DMAC2: variants seen among roughly 807,000 people sequenced by gnomAD.
The protein encoded by DMAC2 is distal membrane-arm assembly complex protein 2.
Under a neutral mutation model 29.6 loss-of-function variants are expected in DMAC2, and 32 were observed. That is an observed-to-expected ratio of 1.08 (90% CI 0.81 to 1.45). The LOEUF is 1.45. DMAC2 is among the 40% of genes most tolerant of loss of function. The probability of loss-of-function intolerance (pLI) is 0.00; values close to 1 mark genes in which losing one functional copy is unlikely to be tolerated. For missense variants in DMAC2, 319 were observed against 340.0 expected (o/e 0.94, Z 0.49); for synonymous variants, 133 against 137.4 (o/e 0.97, Z 0.23).
At chr19:41,432,471 G>T in intron 5 of DMAC2, 63 bp from the exon 6 acceptor site, 1 of 1,531,892 alleles carries the variant, frequency 6.5e-7, no homozygotes, top group Non-Finnish European at 8.9e-7. Context: ...TGTGTAGGGA[G>T]GTACAGGACA....
At chr19:41,435,940 A>G (rs1215039864) in intron 3 of DMAC2, among the ~76,000 whole-genome samples, 2 of 151,040 alleles carry the variant, frequency 1.3e-5, no homozygotes, top group Non-Finnish European at 2.9e-5. Flanking sequence ...CAGTGGTGCA[A>G]TCTCAGCTCA....
rs1555769169 is a variant in DMAC2, at chr19:41,432,296, C to T, written c.709G>A (p.Ala237Thr). ...PNCEVVGVDW[A>T]EGLKSGPEEQ... Reference sequence around the variant, plus strand: ...TCCGGCCCTGACTTCAGGCCCTCAGCCCAGTCGACTCCCACAACCTCGCAA... The same window carrying T: ...TCCGGCCCTGACTTCAGGCCCTCAGTCCAGTCGACTCCCACAACCTCGCAA... Residue 237 changes from alanine to threonine, a missense_variant, in exon 6 of 6, where the codon GCT becomes ACT. Coordinates refer to ENST00000221943, the MANE Select transcript of DMAC2 (RefSeq NM_018035.3). The T allele has an allele frequency of 1.1e-5, 18 of 1,613,932 alleles. No individual in the cohort carries two copies. Among genetic ancestry groups the T allele is most frequent in the Admixed American group, 1.7e-5 (1 of 60,006 alleles).
chr19:41,432,847 TACAG>T, intron 5 of DMAC2: 1 of 469,154 alleles, frequency 2.1e-6, no homozygotes, highest in Non-Finnish European at 3.8e-6. Context: ...ATTTCAACCT[TACAG>T]GACAGTGTGT....
Position 41,432,095 on chromosome 19 carries a change from C to T in DMAC2, c.*136G>A, listed in dbSNP as rs193201209. ...GGAATAAATACTGGGAACTCACGCT[C>T]TCTCCTGTGATTGGCCAGCACCACT... On this transcript the variant is annotated 3_prime_UTR_variant, in exon 6 of 6. Transcript: ENST00000221943. 1.2e-4 allele frequency: 118 copies of T among 984,794 alleles called. No individual in the cohort carries two copies. The highest frequency in any genetic ancestry group is 1.9e-4 in the Admixed American group (8 of 42,042). 61.0% of individuals were successfully genotyped at this position (984,794 alleles called of 1,614,324 possible). A position where few individuals can be genotyped will look rare whatever the true frequency, so the allele number is the denominator to read the frequency against.
intron 3 of DMAC2, 56 bp from the exon 4 acceptor site, chr19:41,433,729 G>A (rs1164729420): frequency 1.2e-6 from 2 of 1,610,470 alleles, no homozygotes; most frequent in Admixed American, 3.3e-5. Flanking sequence ...CAGGCCTCCA[G>A]CCTCTTCAGA....
intron 1 of DMAC2, chr19:41,438,933 GGATATTTTTGT>G (rs1398123615): frequency 9.8e-6 from 1 of 101,884 alleles, no homozygotes; most frequent in Non-Finnish European, 1.9e-5. Context: ...AACATTAGGA[GGATATTTTTGT>G]GATTTTTTTT....
At chr19:41,439,559 C>A (rs888823082) in intron 1 of DMAC2, 1 of 1,532,330 alleles carries the variant, frequency 6.5e-7, no homozygotes, top group Non-Finnish European at 8.7e-7. Flanking sequence ...CCCACCCTTG[C>A]CTGTCCATTA....
chr19:41,436,363 A>G, intron 3 of DMAC2, 29 bp downstream of exon 3: 2 of 1,602,454 alleles, frequency 1.2e-6, no homozygotes, highest in Non-Finnish European at 1.7e-6. Flanking sequence ...CACCTGCCCC[A>G]GCCCGTTCTA....
chr19:41,431,561 A>G lies in DMAC2; in HGVS notation c.*670T>C, dbSNP rs2039511943. 2.9e-6 allele frequency: 1 copy of G among 344,440 alleles called. No homozygotes were observed. The highest frequency in any genetic ancestry group is 5.7e-6 in the Non-Finnish European group (1 of 175,578). 21.3% of individuals were successfully genotyped at this position (344,440 alleles called of 1,614,324 possible). On this transcript the variant is annotated 3_prime_UTR_variant, in exon 6 of 6. Coordinates refer to ENST00000221943, the MANE Select transcript of DMAC2 (RefSeq NM_018035.3). ...TGCTTCAGGAGCTGGGTGCTGGGGA[A>G]GCCACATGCACTGCGGCGTCCAGAG...
At chr19:41,432,643 TACAGGACAGC>T in intron 5 of DMAC2, 2 of 460,708 alleles carry the variant, frequency 4.3e-6, no homozygotes, top group Admixed American at 3.6e-5. Flanking sequence ...TGTAGGGAGG[TACAGGACAGC>T]GTGTGTGTGT....
At position 41,433,300 on chromosome 19, in the gene DMAC2, G is replaced by A. The variant is rs148395303; in HGVS notation, c.568C>T (p.Arg190Trp). ...SLAGCPRISE[R>W]GLACLHHLQN... Reference sequence around the variant, plus strand: ...AGGTGGTGGAGGCAGGCGAGGCCCCGTTCGGAGATGCGGGGGCAACCGGCC... The same window carrying A: ...AGGTGGTGGAGGCAGGCGAGGCCCCATTCGGAGATGCGGGGGCAACCGGCC... Residue 190 changes from arginine to tryptophan, a missense_variant, in exon 5 of 6, where the codon CGG becomes TGG. Coordinates refer to ENST00000221943, the MANE Select transcript of DMAC2 (RefSeq NM_018035.3). 66 of 1,610,550 alleles carry A rather than the reference G, an allele frequency of 4.1e-5. No individual in the cohort carries two copies. Among genetic ancestry groups the A allele is most frequent in the Middle Eastern group, 1.8e-4 (1 of 5,622 alleles).
Position 41,431,965 on chromosome 19 carries a change from G to T in DMAC2, c.*266C>A, listed in dbSNP as rs972656211. 1.9e-6 allele frequency: 1 copy of T among 529,566 alleles called. No individual in the cohort carries two copies. 32.8% of individuals were successfully genotyped at this position (529,566 alleles called of 1,614,324 possible). ...TGACAAGGTGAGTGTGGCTCTCTGC[G>T]GCTACTAACAGCCTGAGCCTTTACC... is the stretch of plus-strand genomic sequence containing the variant. On this transcript the variant is annotated 3_prime_UTR_variant, in exon 6 of 6. Transcript: ENST00000221943.
intron 2 of DMAC2, among the ~76,000 whole-genome samples, chr19:41,437,699 A>C (rs1392100840): frequency 6.7e-6 from 1 of 150,344 alleles, no homozygotes; most frequent in Non-Finnish European, 1.5e-5. Flanking sequence ...ACTCCATCTC[A>C]GAAAAAAAAA....
rs782279895 is a variant in DMAC2 at position 41,432,653 on chromosome 19, C to CGTGTGTGTGTGTGTGTGTGTGT, written c.597-267_597-246dup. Reference sequence around the variant, plus strand: ...GTGTGTGTAGGGAGGTACAGGACAGCGTGTGTGTGTGTGTGTGTGTGTGTA... The same window carrying CGTGTGTGTGTGTGTGTGTGTGT: ...GTGTGTGTAGGGAGGTACAGGACAGCGTGTGTGTGTGTGTGTGTGTGTGTGTGTGTGTGTGTGTGTGTGTGTA... On this transcript the variant is annotated intron_variant, in intron 5 of 5. Coordinates refer to ENST00000221943, the MANE Select transcript of DMAC2 (RefSeq NM_018035.3). 11 of 220,778 alleles carry CGTGTGTGTGTGTGTGTGTGTGT rather than the reference C, an allele frequency of 5.0e-5. No individual in the cohort carries two copies. The African/African-American group carries it at 5.3e-4, about 11-fold the overall frequency. 13.7% of individuals were successfully genotyped at this position (220,778 alleles called of 1,614,324 possible). A position where few individuals can be genotyped will look rare whatever the true frequency, so the allele number is the denominator to read the frequency against.
chr19:41,433,453 G>A lies in DMAC2; in HGVS notation c.434-19C>T. On this transcript the variant is annotated intron_variant, in intron 4 of 5. Coordinates refer to ENST00000221943, the MANE Select transcript of DMAC2 (RefSeq NM_018035.3). ...AGGCGGACTGCGGTGGGGAGAGGGT[G>A]GGATGGCACCAGGAGCCTTTCTGGA... 3 of 1,612,746 alleles carry A rather than the reference G, an allele frequency of 1.9e-6. No homozygotes were observed. The highest frequency in any genetic ancestry group is 1.3e-5 in the African/African-American group (1 of 75,034).
chr19:41,432,777 AGCGTGCGTGTGTGTGTGT>A (rs1168312243), intron 5 of DMAC2: 2 of 301,812 alleles, frequency 6.6e-6, no homozygotes, highest in East Asian at 5.8e-5. Context: ...GGTACAGGAC[AGCGTGCGTGTGTGTGTGT>A]GTGTGTGTGT....
Position 41,432,674 on chromosome 19 carries a change from G to GTGTGTGTA in DMAC2, c.597-267_597-266insTACACACA, listed in dbSNP as rs1349870222. The stretch of plus-strand genomic sequence containing the variant: ...ACAGCGTGTGTGTGTGTGTGTGTGT[G>GTGTGTGTA]TGTATAGGGAGATAAGCCAGTATAA... On this transcript the variant is annotated intron_variant, in intron 5 of 5. Transcript: ENST00000221943. The GTGTGTGTA allele has an allele frequency of 8.8e-4, 322 of 365,874 alleles. 6 individuals are homozygous for GTGTGTGTA. Among genetic ancestry groups the GTGTGTGTA allele is most frequent in the South Asian group, 2.1e-3 (80 of 38,692 alleles). 22.7% of individuals were successfully genotyped at this position (365,874 alleles called of 1,614,324 possible). A position where few individuals can be genotyped will look rare whatever the true frequency, so the allele number is the denominator to read the frequency against.
intron 5 of DMAC2, chr19:41,432,783 C>CGTGG: frequency 3.3e-6 from 1 of 301,550 alleles, no homozygotes; most frequent in Non-Finnish European, 5.7e-6. Context: ...GGACAGCGTG[C>CGTGG]GTGTGTGTGT....
At chr19:41,435,440 T>G (rs2039806318) in intron 3 of DMAC2, among the ~76,000 whole-genome samples, 1 of 152,088 alleles carries the variant, frequency 6.6e-6, no homozygotes, top group Admixed American at 6.5e-5. Flanking sequence ...CAAGCTAATT[T>G]TGTATTTTTA....
Sources: allele counts gnomAD v4.1 joint callset (sites outside exome capture counted in the v4.1 genomes callset), GRCh38; gene constraint gnomAD v4.1.1; transcripts MANE v1.5; gene names NCBI Gene and HGNC (gene_info 2026-07-23, HGNC 2026-07-21).